ZNF521: variants seen among roughly 807,000 people sequenced by gnomAD.
ZNF521 encodes the protein LYST-interacting protein 3.
A neutral mutation model predicts 105.5 loss-of-function variants in ZNF521; 14 were observed. That is an observed-to-expected ratio of 0.13 (90% CI 0.09 to 0.21). The LOEUF (loss-of-function observed/expected upper bound fraction) is 0.21, where lower values mean the gene tolerates loss of function less well. Ranked by LOEUF, ZNF521 falls within the 10% of genes least tolerant of loss-of-function variation. ZNF521 has a pLI of 1.00. For missense variants in ZNF521, 1,233 were observed against 1,629.7 expected (o/e 0.76, Z 4.19); for synonymous variants, 635 against 606.0 (o/e 1.05, Z -0.70).
chr18:25,151,614 C>T (rs898672176), intron 5 of ZNF521, among the ~76,000 whole-genome samples: 2 of 152,080 alleles, frequency 1.3e-5, no homozygotes, highest in South Asian at 2.1e-4. Flanking sequence ...AGACTTTTAT[C>T]GTTTCTTTCA....
At chr18:25,322,552 AACCC>A (rs1273116222) in intron 2 of ZNF521, among the ~76,000 whole-genome samples, 36 of 145,466 alleles carry the variant, frequency 2.5e-4, no homozygotes, top group African/African-American at 8.1e-4. Context: ...AAAAAAAAAA[AACCC>A]CCCCACTGTG....
intron 5 of ZNF521, among the ~76,000 whole-genome samples, chr18:25,142,996 TTCA>T (rs1419697676): frequency 6.6e-6 from 1 of 152,192 alleles, no homozygotes; most frequent in African/African-American, 2.4e-5. Flanking sequence ...GCTAGAGATG[TTCA>T]TGTTGTTATC....
At chr18:25,245,473 C>T (rs1044097713) in intron 3 of ZNF521, among the ~76,000 whole-genome samples, 1 of 152,198 alleles carries the variant, frequency 6.6e-6, no homozygotes, top group East Asian at 1.9e-4. Flanking sequence ...TTCATGCGTT[C>T]ACTTTGCAGC....
rs1268797815 is a variant in ZNF521, at chr18:25,083,727, A to C, written c.3906+5738T>G. Among the ~76,000 whole-genome samples the C allele has an allele frequency of 2.0e-5, 3 of 148,764 alleles. No individual in the cohort carries two copies. In the East Asian group the frequency reaches 6.0e-4, roughly 30 times the overall value. ...CTGGCATCATGGTGAATTTAAAAAG[A>C]TGGAATTATATATTTACATATATAT... On this transcript the variant is annotated intron_variant, in intron 7 of 7. Transcript: ENST00000361524.
At chr18:25,199,347 T>C (rs1211331679) in intron 4 of ZNF521, among the ~76,000 whole-genome samples, 3 of 151,600 alleles carry the variant, frequency 2.0e-5, no homozygotes, top group African/African-American at 7.2e-5. Flanking sequence ...GCAAATGTAA[T>C]GTGTGGATCC....
At chr18:25,269,659 T>C (rs1909512120) in intron 3 of ZNF521, among the ~76,000 whole-genome samples, 1 of 152,094 alleles carries the variant, frequency 6.6e-6, no homozygotes, top group African/African-American at 2.4e-5. Flanking sequence ...CACAACTACA[T>C]GGAAACTGAA....
At position 25,062,101 on chromosome 18, in the gene ZNF521, G is replaced by A. The variant is rs1345628786; in HGVS notation, c.*611C>T. ...ACACTCAAAGCTTCAAATGTATCCA[G>A]GGAAAAAAAAATTCTTTGACAGTCT... On this transcript the variant is annotated 3_prime_UTR_variant, in exon 8 of 8. Transcript: ENST00000361524. The A allele has an allele frequency of 1.5e-5, 3 of 200,492 alleles. No individual in the cohort carries two copies. Among genetic ancestry groups the A allele is most frequent in the Non-Finnish European group, 3.1e-5 (3 of 97,430 alleles). The allele number at this position is 200,492 out of a possible 1,614,324, so 12.4% of individuals were successfully genotyped here.
intron 4 of ZNF521, among the ~76,000 whole-genome samples, chr18:25,222,096 G>A (rs918006053): frequency 9.9e-5 from 15 of 152,068 alleles, no homozygotes; most frequent in African/African-American, 3.4e-4. Context: ...CATCAATTAA[G>A]CATACCACTC....
intron 3 of ZNF521, among the ~76,000 whole-genome samples, chr18:25,241,324 A>T (rs1907316806): frequency 6.6e-6 from 1 of 152,208 alleles, no homozygotes; most frequent in Admixed American, 6.5e-5. Flanking sequence ...TTGTATTTGA[A>T]TCGAACCACT....
At chr18:25,148,434 TTGAG>T (rs2034986378) in intron 5 of ZNF521, among the ~76,000 whole-genome samples, 1 of 152,210 alleles carries the variant, frequency 6.6e-6, no homozygotes. Flanking sequence ...TTTCTATGCA[TTGAG>T]TTTTAAAAAA....
chr18:25,239,751 T>C (rs111394817), intron 3 of ZNF521, among the ~76,000 whole-genome samples: 129 of 152,208 alleles, frequency 8.5e-4, no homozygotes, highest in African/African-American at 2.9e-3. Context: ...ATACAGTAAA[T>C]GAAGCCTTCT....
chr18:25,129,246 GAAT>G (rs747830346), intron 5 of ZNF521, among the ~76,000 whole-genome samples: 7,254 of 127,358 alleles, frequency 0.057, 238 homozygotes, highest in African/African-American at 0.1. Flanking sequence ...CTTTCACACG[GAAT>G]AATAATAATA....
chr18:25,080,107 A>G (rs2033459526), intron 7 of ZNF521, among the ~76,000 whole-genome samples: 1 of 152,218 alleles, frequency 6.6e-6, no homozygotes, highest in African/African-American at 2.4e-5. Context: ...CTGTCCTCCC[A>G]GACATGGAGG....
intron 5 of ZNF521, among the ~76,000 whole-genome samples, chr18:25,140,702 C>T (rs566121779): frequency 6.6e-6 from 1 of 152,248 alleles, no homozygotes; most frequent in Admixed American, 6.5e-5. Flanking sequence ...ACAAATGATT[C>T]CTTTAAGATA....
chr18:25,081,508 G>C (rs2033495100), intron 7 of ZNF521, among the ~76,000 whole-genome samples: 2 of 152,132 alleles, frequency 1.3e-5, no homozygotes, highest in African/African-American at 2.4e-5. Context: ...TTAACCACTT[G>C]ATTCTTGAAA....
At chr18:25,297,142 C>CAT (rs1555659980) in intron 3 of ZNF521, among the ~76,000 whole-genome samples, 1,602 of 146,294 alleles carry the variant, frequency 0.011, 29 homozygotes, top group African/African-American at 0.04. Context: ...CACACACACA[C>CAT]ATATATATAT....
chr18:25,191,087 G>A (rs2035810118), intron 5 of ZNF521, among the ~76,000 whole-genome samples: 1 of 151,988 alleles, frequency 6.6e-6, no homozygotes, highest in Non-Finnish European at 1.5e-5. Flanking sequence ...ACGTTTATTA[G>A]TGACTATTTC....
intron 5 of ZNF521, among the ~76,000 whole-genome samples, chr18:25,178,202 G>A (rs2035567550): frequency 6.6e-6 from 1 of 152,138 alleles, no homozygotes. Context: ...ATCCTATAGT[G>A]AATTCATATA....
intron 4 of ZNF521, among the ~76,000 whole-genome samples, chr18:25,212,473 T>G (rs1447471180): frequency 7.0e-5 from 8 of 114,900 alleles, no homozygotes; most frequent in African/African-American, 2.4e-4. Flanking sequence ...TCATGCCACT[T>G]CACTCCAGCC....
Sources: gnomAD v4.1 joint callset for allele counts (sites outside exome capture counted in the v4.1 genomes callset) on GRCh38, gnomAD v4.1.1 for gene constraint, MANE v1.5 for transcripts, NCBI Gene and HGNC (gene_info 2026-07-23, HGNC 2026-07-21) for gene names.